CD40: variants seen among roughly 807,000 people sequenced by gnomAD.
The protein encoded by CD40 is CD40 molecule, also known as tumor necrosis factor receptor superfamily member 5.
CD40 carries 19 observed loss-of-function variants against 38.5 expected under a neutral mutation model. That is an observed-to-expected ratio of 0.49 (90% CI 0.34 to 0.72). The LOEUF is 0.72. Ranked by LOEUF, CD40 falls within the 30% of genes least tolerant of loss-of-function variation. The probability of loss-of-function intolerance (pLI) is 0.01; values close to 1 mark genes in which losing one functional copy is unlikely to be tolerated. For missense variants in CD40, 256 were observed against 344.1 expected (o/e 0.74, Z 2.03); for synonymous variants, 130 against 128.7 (o/e 1.01, Z -0.07).
intron 5 of CD40, among the ~76,000 whole-genome samples, chr20:46,124,551 C>T (rs946083729): frequency 1.3e-5 from 1 of 74,572 alleles, no homozygotes; most frequent in Admixed American, 1.7e-4. Context: ...TTTACTTTTG[C>T]ACAAATAGGA....
At position 46,128,980 on chromosome 20, in the gene CD40, C is replaced by T. The variant is rs748935911; in HGVS notation, c.774C>T (p.Cys258=). 3 of 1,614,070 alleles carry T rather than the reference C, an allele frequency of 1.9e-6. No individual in the cohort carries two copies. In the African/African-American group the frequency reaches 4.0e-5, roughly 22 times the overall value. Residue 258 remains cysteine, a synonymous_variant, in exon 9 of 9, where the codon TGC becomes TGT. Coordinates refer to ENST00000372285, the MANE Select transcript of CD40 (RefSeq NM_001250.6). The part of the protein sequence containing the change: ...AAPVQETLHG[C]QPVTQEDGKE... ...CAGTGCAGGAGACTTTACATGGATG[C>T]CAACCGGTCACCCAGGAGGATGGCA...
Position 46,129,057 on chromosome 20 carries a change from G to T in CD40, c.*17G>T. ...AGACAGTGAGGCTGCACCCACCCAG[G>T]AGTGTGGCCACGTGGGCAAACAGGC... On this transcript the variant is annotated 3_prime_UTR_variant, in exon 9 of 9. Transcript: ENST00000372285. 1 of 1,613,866 alleles carries T rather than the reference G, an allele frequency of 6.2e-7. No individual in the cohort carries two copies. Among genetic ancestry groups the T allele is most frequent in the Non-Finnish European group, 8.5e-7 (1 of 1,179,984 alleles).
intron 5 of CD40, among the ~76,000 whole-genome samples, chr20:46,125,755 C>T (rs1326906709): frequency 3.3e-5 from 5 of 152,026 alleles, no homozygotes; most frequent in Non-Finnish European, 7.4e-5. Flanking sequence ...GTAATTTCTC[C>T]TCCTCTGAGC....
At chr20:46,123,593 CT>C (rs2085361686) in intron 5 of CD40, among the ~76,000 whole-genome samples, 1 of 152,188 alleles carries the variant, frequency 6.6e-6, no homozygotes, top group African/African-American at 2.4e-5. Flanking sequence ...GAGGGCCTCC[CT>C]CTCTTACCTC....
chr20:46,122,590 TCCTG>T lies in CD40; in HGVS notation c.257-17_257-14del, dbSNP rs764100837. On this transcript the variant is annotated splice_polypyrimidine_tract_variant and intron_variant, in intron 3 of 8. Coordinates refer to ENST00000372285, the MANE Select transcript of CD40 (RefSeq NM_001250.6). The surrounding 1 kb of genome is among the most constrained non-coding windows in gnomAD (Gnocchi z 5.0). The stretch of plus-strand genomic sequence containing the variant: ...TGGCCCAGCAGGGGGTTCCCATCCT[TCCTG>T]CCCTTCTCTTCTCAGACCTAGGGCT... 2.5e-6 allele frequency: 4 copies of T among 1,613,988 alleles called. No homozygotes were observed. Among genetic ancestry groups the T allele is most frequent in the Non-Finnish European group, 3.4e-6 (4 of 1,180,006 alleles).
chr20:46,123,963 T>C (rs1417512789), intron 5 of CD40, among the ~76,000 whole-genome samples: 5 of 152,226 alleles, frequency 3.3e-5, no homozygotes. Context: ...GAACACACTG[T>C]TCATTCTCTT....
At chr20:46,119,077 A>AC (rs56270959) in intron 1 of CD40, among the ~76,000 whole-genome samples, 152,258 of 152,258 alleles carry the variant, frequency 1, 76,129 homozygotes, top group Non-Finnish European at 1. Flanking sequence ...GTTGGCTCTG[A>AC]CAGGGCTGGT....
At chr20:46,128,380 G>C (rs749684570) in intron 8 of CD40, 22 bp downstream of exon 8, 2 of 1,609,014 alleles carry the variant, frequency 1.2e-6, no homozygotes, top group Non-Finnish European at 1.7e-6. Context: ...CTGAGAACCC[G>C]GGACAGAGTT....
At position 46,129,207 on chromosome 20, in the gene CD40, A is replaced by G. The variant is rs2085505978; in HGVS notation, c.*167A>G. The G allele has an allele frequency of 1.4e-6, 1 of 716,142 alleles. No individual in the cohort carries two copies. The highest frequency in any genetic ancestry group is 2.5e-6 in the Non-Finnish European group (1 of 407,476). The allele number at this position is 716,142 out of a possible 1,614,324, so 44.4% of individuals were successfully genotyped here. ...TTTGAGACAGGAGACCTGGCACTGG[A>G]TGCAGAAACAGTTCACCTTGAAGAA... On this transcript the variant is annotated 3_prime_UTR_variant, in exon 9 of 9. Transcript: ENST00000372285.
chr20:46,121,955 C>T (rs374320594), intron 2 of CD40, 57 bp downstream of exon 2: 178 of 1,376,714 alleles, frequency 1.3e-4, no homozygotes, highest in Non-Finnish European at 1.5e-4. Flanking sequence ...TGGTGGCAGA[C>T]GCAGACCCCA....
chr20:46,128,760 A>T (rs758968967), intron 8 of CD40, 122 bp from the exon 9 acceptor site: 22 of 1,063,652 alleles, frequency 2.1e-5, no homozygotes, highest in Non-Finnish European at 2.8e-5. Flanking sequence ...AGGAATCAGC[A>T]CTGACCCGCC....
At chr20:46,121,024 C>T (rs1367505717) in intron 1 of CD40, among the ~76,000 whole-genome samples, 2 of 152,178 alleles carry the variant, frequency 1.3e-5, no homozygotes, top group African/African-American at 4.8e-5. Context: ...GAGATGATGC[C>T]ACTGCACTCC....
At position 46,121,872 on chromosome 20, in the gene CD40, G is replaced by A. The variant is rs762843067; in HGVS notation, c.104G>A (p.Ser35Asn). The change falls in exon 2 of 9, where the codon AGT (serine) becomes AAT (asparagine). Residue 35 changes from serine to asparagine, a missense_variant. Transcript: ENST00000372285. ...AGAGAAAAACAGTACCTAATAAACA[G>A]TCAGTGCTGTTCTTTGTGCCAGCCA... ...ACREKQYLIN[S>N]QCCSLCQPGQ... 1.2e-6 allele frequency: 2 copies of A among 1,614,106 alleles called. No homozygotes were observed. Among genetic ancestry groups the A allele is most frequent in the South Asian group, 1.1e-5 (1 of 91,086 alleles).
chr20:46,123,476 C>T (rs1049791315), intron 5 of CD40, among the ~76,000 whole-genome samples: 1 of 152,210 alleles, frequency 6.6e-6, no homozygotes, highest in Non-Finnish European at 1.5e-5. Context: ...TATTGGGACA[C>T]TTATTTTAGC....
At position 46,129,101 on chromosome 20, in the gene CD40, G is replaced by GTGC; in HGVS notation, c.*73_*75dup. The stretch of plus-strand genomic sequence containing the variant: ...AACAGGCAGTTGGCCAGAGAGCCTG[G>GTGC]TGCTGCTGCTGCTGTGGCGTGAGGG... On this transcript the variant is annotated 3_prime_UTR_variant, in exon 9 of 9. Transcript: ENST00000372285. The GTGC allele has an allele frequency of 1.3e-6, 2 of 1,578,686 alleles. No homozygotes were observed. Among genetic ancestry groups the GTGC allele is most frequent in the Non-Finnish European group, 1.7e-6 (2 of 1,150,118 alleles).
intron 1 of CD40, among the ~76,000 whole-genome samples, chr20:46,120,455 G>C (rs772656297): frequency 6.6e-6 from 1 of 152,158 alleles, no homozygotes; most frequent in Non-Finnish European, 1.5e-5. Flanking sequence ...CCAAACTGTG[G>C]GACAGTTTTA....
At chr20:46,124,751 GTTTTT>G (rs780015926) in intron 5 of CD40, among the ~76,000 whole-genome samples, 13,616 of 73,756 alleles carry the variant, frequency 0.18, 1,065 homozygotes, top group Non-Finnish European at 0.23. Flanking sequence ...CACTGGTATA[GTTTTT>G]TTTTTTTTTT....
chr20:46,119,817 G>A (rs966924342), intron 1 of CD40, among the ~76,000 whole-genome samples: 3 of 152,178 alleles, frequency 2.0e-5, no homozygotes, highest in Admixed American at 1.3e-4. Context: ...CATGATTCCC[G>A]AGCCTGCCTC....
At chr20:46,123,260 G>A (rs1170913702) in intron 5 of CD40, 41 bp downstream of exon 5, 2 of 1,422,192 alleles carry the variant, frequency 1.4e-6, no homozygotes, top group African/African-American at 2.8e-5. Flanking sequence ...TCTAAGAGTG[G>A]CATGGAGCTG....
Sources: gnomAD v4.1 joint callset for allele counts (sites outside exome capture counted in the v4.1 genomes callset) on GRCh38, gnomAD v4.1.1 for gene constraint, Gnocchi (gnomAD v3.1) non-coding constraint, MANE v1.5 for transcripts, NCBI Gene and HGNC (gene_info 2026-07-23, HGNC 2026-07-21) for gene names.